HGFAC: variants seen among roughly 807,000 people sequenced by gnomAD.
HGFAC encodes the protein HGF activator.
Under a neutral mutation model 70.6 loss-of-function variants are expected in HGFAC, and 76 were observed. The ratio of observed to expected loss-of-function variants is 1.08; its 90% CI spans 0.89 to 1.30. The LOEUF (loss-of-function observed/expected upper bound fraction) is 1.30, where lower values mean the gene tolerates loss of function less well. HGFAC is among the 50% of genes most tolerant of loss of function. The probability of loss-of-function intolerance (pLI) is 0.00; values close to 1 mark genes in which losing one functional copy is unlikely to be tolerated. For missense variants in HGFAC, 1,044 were observed against 933.7 expected (o/e 1.12, Z -1.54); for synonymous variants, 464 against 405.3 (o/e 1.14, Z -1.74).
intron 8 of HGFAC, 85 bp from the exon 9 acceptor site, chr4:3,445,180 C>T (rs2109298106): frequency 7.4e-7 from 1 of 1,355,638 alleles, no homozygotes; most frequent in East Asian, 2.5e-5. Context: ...GGGGAACCGC[C>T]CTGCTGGGGG....
At chr4:3,445,879 T>G in intron 9 of HGFAC, 163 bp from the exon 10 acceptor site, 2 of 1,546,148 alleles carry the variant, frequency 1.3e-6, no homozygotes, top group Non-Finnish European at 1.7e-6. Context: ...TCTACAGATT[T>G]GGAAACTGAG....
intron 1 of HGFAC, 93 bp downstream of exon 1, chr4:3,442,211 G>C (rs748679502): frequency 2.1e-6 from 2 of 964,632 alleles, no homozygotes; most frequent in Non-Finnish European, 3.1e-6. Context: ...GCCACAGAGC[G>C]TGGGGATTTG....
chr4:3,447,916 AAG>A lies in HGFAC; in HGVS notation c.1518_1519del (p.Asp508ProfsTer37), dbSNP rs1354204830. On this transcript the variant is annotated frameshift_variant, in exon 12 of 14. Transcript: ENST00000382774. LOFTEE classifies it high-confidence loss of function. ...TCAGTCCTGATCCGGCTGAAGAAGA[AAG>A]GGGACCGCTGTGCCACACGCTCGCA... The A allele has an allele frequency of 1.2e-6, 2 of 1,610,998 alleles. No homozygotes were observed. The highest frequency in any genetic ancestry group is 1.7e-5 in the Admixed American group (1 of 59,834).
rs777159884 is a variant in HGFAC at position 3,444,399 on chromosome 4, G to C, written c.687G>C (p.Glu229Asp). The C allele has an allele frequency of 1.7e-5, 27 of 1,605,332 alleles. No homozygotes were observed. In the South Asian group the frequency reaches 2.8e-4, roughly 17 times the overall value. Residue 229 changes from glutamate (E) to aspartate (D), a missense_variant, in exon 6 of 14, where the codon GAG becomes GAC. By Grantham distance (45) the Glu-to-Asp change is conservative (BLOSUM62 2). Coordinates refer to ENST00000382774, the MANE Select transcript of HGFAC (RefSeq NM_001528.4). ...RVRQGHVEQC[E>D]CFGGRTWCEG... ...GCCAGGGCCACGTGGAACAGTGCGAGTGCTTCGGGGGCCGGACCTGGTGCG... is the reference window on the plus strand; with the variant it reads ...GCCAGGGCCACGTGGAACAGTGCGACTGCTTCGGGGGCCGGACCTGGTGCG...
intron 13 of HGFAC, 41 bp downstream of exon 13, chr4:3,448,317 G>A: frequency 1.3e-6 from 2 of 1,587,846 alleles, no homozygotes; most frequent in Non-Finnish European, 8.6e-7. Flanking sequence ...ACTGGTGGGG[G>A]CTCAGCTGGT....
rs372142469 is a variant in HGFAC, at chr4:3,443,194, G to A, written c.395+48G>A. The A allele has an allele frequency of 1.3e-4, 181 of 1,380,234 alleles. 1 individual carries two copies. Among genetic ancestry groups the A allele is most frequent in the East Asian group, 1.0e-3 (40 of 39,496 alleles). The allele number at this position is 1,380,234 out of a possible 1,614,324, so 85.5% of individuals were successfully genotyped here. On this transcript the variant is annotated intron_variant, in intron 3 of 13. Transcript: ENST00000382774. ...CCCGAGCTGGGGTCACCTGCCCCAC[G>A]CTGCCTGCTTTTCTGGGAGCCGGGC...
In HGFAC at chr4:3,449,428, C is replaced by T. The variant is rs747909127; in HGVS notation, c.*9C>T. The T allele has an allele frequency of 7.9e-6, 12 of 1,523,726 alleles. No homozygotes were observed. The highest frequency in any genetic ancestry group is 1.8e-4 in the Middle Eastern group (1 of 5,696). 94.4% of individuals were successfully genotyped at this position (1,523,726 alleles called of 1,614,324 possible). On this transcript the variant is annotated 3_prime_UTR_variant, in exon 14 of 14. Transcript: ENST00000382774. ...TTGTGGCTCCCTCCTGACCCTCCAGCGGGACACCCTGGTTCCCACCATTCC... is the reference window on the plus strand; with the variant it reads ...TTGTGGCTCCCTCCTGACCCTCCAGTGGGACACCCTGGTTCCCACCATTCC...
upstream of HGFAC, among the ~76,000 whole-genome samples, chr4:3,441,676 C>T (rs141177114): frequency 6.6e-5 from 10 of 152,336 alleles, no homozygotes; most frequent in Admixed American, 3.9e-4. The surrounding 1 kb of genome is among the most constrained non-coding windows in gnomAD (Gnocchi z 6.0). Flanking sequence ...CTGGGAGCGG[C>T]GCCAGACCAT....
chr4:3,444,359 G>A lies in HGFAC; in HGVS notation c.647G>A (p.Arg216His), dbSNP rs761247144. The A allele has an allele frequency of 3.4e-5, 55 of 1,600,608 alleles. No individual in the cohort carries two copies. Among genetic ancestry groups the A allele is most frequent in the South Asian group, 1.4e-4 (12 of 88,880 alleles). ...TRYEYLEGGD[R>H]WARVRQGHVE... is the part of the protein sequence containing the mutation. ...TACGAGTACCTGGAGGGGGGCGACCGCTGGGCCCGCGTGCGCCAGGGCCAC... is the reference window on the plus strand; with the variant it reads ...TACGAGTACCTGGAGGGGGGCGACCACTGGGCCCGCGTGCGCCAGGGCCAC... The change falls in exon 6 of 14, where the codon CGC becomes CAC. Residue 216 changes from arginine to histidine, a missense_variant. Physicochemically the swap from Arg to His is conservative, Grantham distance 29. Coordinates refer to ENST00000382774, the MANE Select transcript of HGFAC (RefSeq NM_001528.4).
At chr4:3,443,460 A>T in intron 4 of HGFAC, 40 bp downstream of exon 4, 1 of 1,308,772 alleles carries the variant, frequency 7.6e-7, no homozygotes, top group East Asian at 2.9e-5. Flanking sequence ...GGCAGGGGGC[A>T]CTGGGCCAGG....
rs1350099229 is a variant in HGFAC, at chr4:3,443,406, CT to C, written c.462del (p.Pro155GlnfsTer92). The C allele has an allele frequency of 6.8e-7, 1 of 1,478,678 alleles. No homozygotes were observed. The highest frequency in any genetic ancestry group is 2.4e-5 in the Admixed American group (1 of 41,076). The allele number at this position is 1,478,678 out of a possible 1,614,324, so 91.6% of individuals were successfully genotyped here. On this transcript the variant is annotated frameshift_variant, in exon 4 of 14. Coordinates refer to ENST00000382774, the MANE Select transcript of HGFAC (RefSeq NM_001528.4). LOFTEE classifies it high-confidence loss of function. ...GGCTACTGTGTGGAGGCCACCCCGC[CT>C]CCAGGGGGCCCAGGTGGGTGCTGGG... ...AWGYCVEATP[P>X]PGGPAALDPC... is the part of the protein sequence containing the mutation.
chr4:3,447,396 C>A, intron 10 of HGFAC, 96 bp from the exon 11 acceptor site: 2 of 1,429,214 alleles, frequency 1.4e-6, no homozygotes, highest in Non-Finnish European at 1.9e-6. Flanking sequence ...GGGTCCCACA[C>A]CATTGGCCTC....
chr4:3,449,109 A>C (rs1243720781), intron 13 of HGFAC, 128 bp from the exon 14 acceptor site: 7 of 818,704 alleles, frequency 8.6e-6, no homozygotes, highest in Non-Finnish European at 3.9e-6. Flanking sequence ...CATGAGGTTC[A>C]GGAGAGTGGA....
rs1241257992 is a variant in HGFAC, at chr4:3,448,163, C to G, written c.1672C>G (p.Leu558Val). The G allele has an allele frequency of 6.3e-7, 1 of 1,599,226 alleles. No homozygotes were observed. Among genetic ancestry groups the G allele is most frequent in the Non-Finnish European group, 8.5e-7 (1 of 1,174,250 alleles). The change falls in exon 13 of 14, where the codon CTG becomes GTG. Residue 558 changes from leucine to valine, a missense_variant. Transcript: ENST00000382774. Reference sequence around the variant, plus strand: ...CTACTCCAGCTCCCTGCGGGAGGCCCTGGTCCCCCTGGTCGCCGACCACAA... The same window carrying G: ...CTACTCCAGCTCCCTGCGGGAGGCCGTGGTCCCCCTGGTCGCCGACCACAA... ...SGYSSSLREA[L>V]VPLVADHKCS...
chr4:3,448,926 T>C (rs1257029315), intron 13 of HGFAC, among the ~76,000 whole-genome samples: 1 of 151,940 alleles, frequency 6.6e-6, no homozygotes, highest in Non-Finnish European at 1.5e-5. Context: ...GCGTAGGAGT[T>C]TTCCAGGGAG....
rs1187572344 is a variant in HGFAC, at chr4:3,442,135, T to C, written c.117+17T>C. The C allele has an allele frequency of 6.5e-6, 10 of 1,535,462 alleles. No individual in the cohort carries two copies. The highest frequency in any genetic ancestry group is 8.7e-6 in the Non-Finnish European group (10 of 1,149,694). ...CCTGGCGGGGTGAGCACTGACCTTG[T>C]CGCAGTGCGACCAGAGGTTCCCAGT... On this transcript the variant is annotated intron_variant, in intron 1 of 13. Coordinates refer to ENST00000382774, the MANE Select transcript of HGFAC (RefSeq NM_001528.4).
At chr4:3,447,352 C>A in intron 10 of HGFAC, 140 bp from the exon 11 acceptor site, 2 of 853,054 alleles carry the variant, frequency 2.3e-6, no homozygotes, top group Non-Finnish European at 3.7e-6. Flanking sequence ...ACAGCCCACA[C>A]CCAGGCACCT....
At position 3,448,023 on chromosome 4, in the gene HGFAC, C is replaced by T. The variant is rs1452512734; in HGVS notation, c.1624C>T (p.His542Tyr). ...CAAGTGCCAGATTGCGGGCTGGGGC[C>T]ACTTGGATGAGAGTGAGTTGGGAGG... ...GHKCQIAGWG[H>Y]LDENVSGYSS... is the part of the protein sequence containing the mutation. The change falls in exon 12 of 14, where the codon CAC becomes TAC. Residue 542 changes from histidine to tyrosine, a missense_variant. Coordinates refer to ENST00000382774, the MANE Select transcript of HGFAC (RefSeq NM_001528.4). 3 of 1,560,132 alleles carry T rather than the reference C, an allele frequency of 1.9e-6. No homozygotes were observed. The highest frequency in any genetic ancestry group is 2.6e-6 in the Non-Finnish European group (3 of 1,153,028).
In HGFAC at chr4:3,445,096, C is replaced by G. The variant is rs1022724157; in HGVS notation, c.1016+103C>G. 8 of 1,363,844 alleles carry G rather than the reference C, an allele frequency of 5.9e-6. No individual in the cohort carries two copies. In the African/African-American group the frequency reaches 8.7e-5, roughly 15 times the overall value. The allele number at this position is 1,363,844 out of a possible 1,614,324, so 84.5% of individuals were successfully genotyped here. On this transcript the variant is annotated intron_variant, in intron 8 of 13. Coordinates refer to ENST00000382774, the MANE Select transcript of HGFAC (RefSeq NM_001528.4). ...AGGACCCAGGCGGGGCCAGCTCCGT[C>G]CAGACAGGCCCCGGAACCTCTGCCT...
Sources: gnomAD v4.1 joint callset for allele counts (sites outside exome capture counted in the v4.1 genomes callset) on GRCh38, gnomAD v4.1.1 for gene constraint, Gnocchi (gnomAD v3.1) non-coding constraint, MANE v1.5 for transcripts, NCBI Gene and HGNC (gene_info 2026-07-23, HGNC 2026-07-21) for gene names.